Variants in CDH13 observed in about 807,000 individuals in gnomAD.
The protein encoded by CDH13 is cadherin-13.
CDH13 carries 24 observed loss-of-function variants against 63.8 expected under a neutral mutation model. The observed-to-expected ratio is 0.38, with a 90% confidence interval of 0.27 to 0.53. The LOEUF is 0.53. Ranked by LOEUF, CDH13 falls within the 20% of genes least tolerant of loss-of-function variation. The pLI is 0.85. For missense variants in CDH13, 1,049 were observed against 903.1 expected (o/e 1.16, Z -2.07); for synonymous variants, 503 against 355.3 (o/e 1.42, Z -4.67).
intron 8 of CDH13, 123 bp downstream of exon 8, chr16:83,602,717 G>A: frequency 1.0e-6 from 1 of 974,442 alleles, no homozygotes; most frequent in Non-Finnish European, 1.6e-6. Context: ...TCCTTTGTGG[G>A]AGAGACGATG....
At chr16:83,757,303 C>T (rs1045655297) in intron 11 of CDH13, among the ~76,000 whole-genome samples, 3 of 152,152 alleles carry the variant, frequency 2.0e-5, no homozygotes, top group African/African-American at 7.2e-5. Context: ...CCAGGCTGGG[C>T]ACGGTGGCTC....
chr16:83,265,093 C>T (rs74249512), intron 5 of CDH13, among the ~76,000 whole-genome samples: 2,108 of 152,242 alleles, frequency 0.014, 81 homozygotes, highest in East Asian at 0.13. Flanking sequence ...CTGTGAGATA[C>T]TTGTCAATGT....
chr16:83,307,863 G>A (rs558509132), intron 5 of CDH13, among the ~76,000 whole-genome samples: 9 of 152,244 alleles, frequency 5.9e-5, no homozygotes, highest in East Asian at 1.9e-4. Context: ...GCGTGCTGCC[G>A]TTAGCTGAAT....
intron 7 of CDH13, among the ~76,000 whole-genome samples, chr16:83,535,327 G>C (rs2075162549): frequency 6.6e-6 from 1 of 152,174 alleles, no homozygotes; most frequent in Admixed American, 6.5e-5. Context: ...TACCACTAAA[G>C]AATCTCAAAA....
At chr16:82,697,756 TGTGTGTGTGTGTGTGTG>T (rs2030505294) in intron 1 of CDH13, among the ~76,000 whole-genome samples, 1 of 7,192 alleles carries the variant, frequency 1.4e-4, no homozygotes, top group Admixed American at 4.5e-3. Flanking sequence ...TGTGTGTGTG[TGTGTGTGTGTGTGTGTG>T]TGTGTGTGTG....
At chr16:82,830,605 AT>A (rs1287075120) in intron 1 of CDH13, among the ~76,000 whole-genome samples, 1 of 152,188 alleles carries the variant, frequency 6.6e-6, no homozygotes, top group East Asian at 1.9e-4. Context: ...CACTCATCTT[AT>A]TTGTAATGAC....
At position 83,002,961 on chromosome 16, in the gene CDH13, C is replaced by T. The variant is rs190417117; in HGVS notation, c.158-29049C>T. ...AGCATGTACCAAATATATTGTTTTA[C>T]GACATTCTTGCAAAAGCCTGGAGAG... On this transcript the variant is annotated intron_variant, in intron 2 of 13. Coordinates refer to ENST00000567109, the MANE Select transcript of CDH13 (RefSeq NM_001257.5). Among the ~76,000 whole-genome samples, 333 of 152,276 alleles carry T rather than the reference C, an allele frequency of 2.2e-3. 2 individuals carry two copies. The highest frequency in any genetic ancestry group is 7.6e-3 in the African/African-American group (317 of 41,556).
intron 4 of CDH13, among the ~76,000 whole-genome samples, chr16:83,211,628 T>A (rs1460588035): frequency 1.3e-5 from 2 of 152,070 alleles, no homozygotes; most frequent in Admixed American, 1.3e-4. Context: ...TTGTGTCACA[T>A]CTGTAAAAGG....
At chr16:83,069,176 A>G (rs904039184) in intron 3 of CDH13, among the ~76,000 whole-genome samples, 1 of 152,188 alleles carries the variant, frequency 6.6e-6, no homozygotes, top group Non-Finnish European at 1.5e-5. Flanking sequence ...ATTTTTGTCA[A>G]TGCGCATTTT....
intron 5 of CDH13, among the ~76,000 whole-genome samples, chr16:83,296,545 G>A (rs187825748): frequency 3.3e-5 from 5 of 152,204 alleles, no homozygotes; most frequent in Admixed American, 6.5e-5. Flanking sequence ...TGTCTGCCTC[G>A]GAGTGACTTG....
At chr16:83,316,720 G>A (rs917543901) in intron 5 of CDH13, among the ~76,000 whole-genome samples, 1 of 152,208 alleles carries the variant, frequency 6.6e-6, no homozygotes, top group African/African-American at 2.4e-5. Flanking sequence ...ACTCTGCATG[G>A]CATTCTGTAA....
At position 83,186,360 on chromosome 16, in the gene CDH13, A is replaced by G. The variant is rs1041996635; in HGVS notation, c.484-30985A>G. The stretch of plus-strand genomic sequence containing the variant: ...CACCATATTGGCCAGGAGGGTCTCA[A>G]TCTCTTGACCTTTTGATCCACCCGC... On this transcript the variant is annotated intron_variant, in intron 4 of 13. Transcript: ENST00000567109. Among the ~76,000 whole-genome samples, 24 of 151,734 alleles carry G rather than the reference A, an allele frequency of 1.6e-4. 1 individual carries two copies. The Middle Eastern group carries it at 0.01, about 65-fold the overall frequency.
chr16:83,279,782 T>A (rs143707582), intron 5 of CDH13, among the ~76,000 whole-genome samples: 1 of 151,624 alleles, frequency 6.6e-6, no homozygotes, highest in Non-Finnish European at 1.5e-5. Context: ...CTCAGAGATA[T>A]CAAAGGTTGA....
At chr16:83,406,272 C>G (rs1052468201) in intron 6 of CDH13, among the ~76,000 whole-genome samples, 1 of 152,122 alleles carries the variant, frequency 6.6e-6, no homozygotes, top group Non-Finnish European at 1.5e-5. Flanking sequence ...AAATAGTTTT[C>G]TCCTTCCTTA....
chr16:83,485,652 A>T (rs1345561999), intron 6 of CDH13, among the ~76,000 whole-genome samples: 1 of 152,094 alleles, frequency 6.6e-6, no homozygotes, highest in Non-Finnish European at 1.5e-5. Flanking sequence ...ACCTTTGTGC[A>T]AACCCCAGAC....
intron 6 of CDH13, among the ~76,000 whole-genome samples, chr16:83,398,879 A>G (rs1380744793): frequency 1.3e-5 from 2 of 152,244 alleles, no homozygotes; most frequent in East Asian, 1.9e-4. Context: ...AATTAATTTT[A>G]AAGTTGCTAA....
intron 7 of CDH13, among the ~76,000 whole-genome samples, chr16:83,513,026 AG>A (rs1342095954): frequency 7.1e-6 from 1 of 140,608 alleles, no homozygotes; most frequent in Non-Finnish European, 1.6e-5. Flanking sequence ...AAATAAAAGA[AG>A]AAAAAAAAAA....
At chr16:82,798,853 A>G (rs2036713109) in intron 1 of CDH13, among the ~76,000 whole-genome samples, 1 of 152,114 alleles carries the variant, frequency 6.6e-6, no homozygotes, top group Non-Finnish European at 1.5e-5. Context: ...GAGTGCTTAA[A>G]TGGATATCTT....
intron 6 of CDH13, among the ~76,000 whole-genome samples, chr16:83,446,245 G>T (rs968913553): frequency 6.6e-6 from 1 of 151,166 alleles, no homozygotes; most frequent in Non-Finnish European, 1.5e-5. Flanking sequence ...AGAGGTTGCG[G>T]TGAGCCGAGA....
Sources: allele counts gnomAD v4.1 joint callset (sites outside exome capture counted in the v4.1 genomes callset), GRCh38; gene constraint gnomAD v4.1.1; transcripts MANE v1.5; gene names NCBI Gene and HGNC (gene_info 2026-07-23, HGNC 2026-07-21).